The following SUPT3H variants were observed in gnomAD, a reference collection of about 807,000 sequenced individuals.
The protein encoded by SUPT3H is SPT3 homolog, SAGA and STAGA complex component.
Under a neutral mutation model 44.3 loss-of-function variants are expected in SUPT3H, and 44 were observed. That is an observed-to-expected ratio of 0.99 (90% confidence interval 0.78 to 1.28). The LOEUF is 1.28. SUPT3H is among the 50% of genes most tolerant of loss of function. The probability of loss-of-function intolerance (pLI) is 0.00; values close to 1 mark genes in which losing one functional copy is unlikely to be tolerated. For missense variants in SUPT3H, 380 were observed against 387.1 expected (o/e 0.98, Z 0.15); for synonymous variants, 124 against 125.6 (o/e 0.99, Z 0.09).
At chr6:44,821,461 C>G (rs1027622667) in intron 11 of SUPT3H, among the ~76,000 whole-genome samples, 1 of 152,138 alleles carries the variant, frequency 6.6e-6, no homozygotes, top group African/African-American at 2.4e-5. Context: ...ACTACTACCC[C>G]CCTCTCTGAA....
At chr6:44,951,606 C>A (rs1774324855) in intron 9 of SUPT3H, among the ~76,000 whole-genome samples, 1 of 152,140 alleles carries the variant, frequency 6.6e-6, no homozygotes. Context: ...GACACTCATG[C>A]TCCCACCTCC....
intron 10 of SUPT3H, 36 bp downstream of exon 10, chr6:44,932,617 A>C: frequency 2.1e-6 from 3 of 1,441,870 alleles, no homozygotes; most frequent in Non-Finnish European, 2.8e-6. Context: ...CTTTCATATT[A>C]TAAATATAAC....
chr6:45,353,997 A>G (rs115661112), intron 2 of SUPT3H, among the ~76,000 whole-genome samples: 2,661 of 152,270 alleles, frequency 0.017, 50 homozygotes, highest in South Asian at 0.085. Context: ...TTTCAAGCTC[A>G]GTTGTCAAAG....
chr6:44,888,400 C>T (rs1762696184), intron 10 of SUPT3H, among the ~76,000 whole-genome samples: 1 of 152,204 alleles, frequency 6.6e-6, no homozygotes, highest in South Asian at 2.1e-4. Context: ...AGCAGCACAT[C>T]AAAAAGCTTA....
chr6:45,365,703 A>T (rs1169108452), intron 1 of SUPT3H, among the ~76,000 whole-genome samples: 1 of 149,168 alleles, frequency 6.7e-6, no homozygotes, highest in Non-Finnish European at 1.5e-5. Context: ...AGTTTCATTC[A>T]GGCCACGGAA....
At chr6:45,063,404 C>A (rs567745411) in intron 3 of SUPT3H, among the ~76,000 whole-genome samples, 1 of 151,196 alleles carries the variant, frequency 6.6e-6, no homozygotes, top group East Asian at 1.9e-4. Context: ...CAGAGCGTCT[C>A]TCCTCCTCCA....
intron 10 of SUPT3H, among the ~76,000 whole-genome samples, chr6:44,924,361 A>G (rs911205124): frequency 2.0e-5 from 3 of 152,138 alleles, no homozygotes; most frequent in African/African-American, 4.8e-5. Flanking sequence ...ACTGTCATCC[A>G]TAACTTTGAC....
intron 3 of SUPT3H, among the ~76,000 whole-genome samples, chr6:45,100,392 C>G (rs1003373143): frequency 2.6e-5 from 4 of 151,246 alleles, no homozygotes; most frequent in African/African-American, 9.7e-5. Flanking sequence ...AAAAAATAGG[C>G]AAAAGAGCTG....
At chr6:45,322,662 G>A (rs1304544592) in intron 2 of SUPT3H, among the ~76,000 whole-genome samples, 1 of 152,128 alleles carries the variant, frequency 6.6e-6, no homozygotes, top group East Asian at 1.9e-4. Context: ...CTAAATCTGC[G>A]ATCGCCTTTA....
In SUPT3H at chr6:45,365,186, C is replaced by A; in HGVS notation, c.101+15G>T. 6.7e-7 allele frequency: 1 copy of A among 1,482,440 alleles called. No individual in the cohort carries two copies. Among genetic ancestry groups the A allele is most frequent in the African/African-American group, 1.4e-5 (1 of 72,336 alleles). The allele number at this position is 1,482,440 out of a possible 1,614,324, so 91.8% of individuals were successfully genotyped here. A position where few individuals can be genotyped will look rare whatever the true frequency, so the allele number is the denominator to read the frequency against. On this transcript the variant is annotated intron_variant, in intron 2 of 10. Transcript: ENST00000371459. ...TTAAAATAGTAATAGCAATAGCATG[C>A]AGGGACATACTTACATCATACTCTG...
chr6:45,107,568 G>A (rs189427652), intron 2 of SUPT3H, among the ~76,000 whole-genome samples: 1 of 152,192 alleles, frequency 6.6e-6, no homozygotes, highest in East Asian at 1.9e-4. Flanking sequence ...TGGTGCTAGA[G>A]TATCTGCTAC....
At chr6:45,217,972 G>A (rs1385532991) in intron 2 of SUPT3H, among the ~76,000 whole-genome samples, 1 of 151,878 alleles carries the variant, frequency 6.6e-6, no homozygotes, top group African/African-American at 2.4e-5. Context: ...ACACAGGAAG[G>A]CAAAAAGAAA....
intron 2 of SUPT3H, among the ~76,000 whole-genome samples, chr6:45,223,088 A>G (rs1425832571): frequency 6.6e-6 from 1 of 152,118 alleles, no homozygotes; most frequent in African/African-American, 2.4e-5. Context: ...AAGGGGAAGC[A>G]ACACAAGGAA....
chr6:45,142,112 T>C (rs1805307411), intron 2 of SUPT3H, among the ~76,000 whole-genome samples: 1 of 152,106 alleles, frequency 6.6e-6, no homozygotes, highest in Non-Finnish European at 1.5e-5. Flanking sequence ...TGAAACAAAG[T>C]AATTATCAGC....
At chr6:45,084,961 A>C (rs1032068906) in intron 3 of SUPT3H, among the ~76,000 whole-genome samples, 9 of 152,034 alleles carry the variant, frequency 5.9e-5, no homozygotes, top group East Asian at 3.9e-4. Flanking sequence ...GAACTATAGG[A>C]GGTAAGAGGG....
chr6:45,283,264 G>T (rs1395602609), intron 2 of SUPT3H, among the ~76,000 whole-genome samples: 4 of 152,024 alleles, frequency 2.6e-5, no homozygotes, highest in Non-Finnish European at 5.9e-5. Flanking sequence ...ATGGGCTAAA[G>T]GCTCCAATTA....
At chr6:45,359,939 T>C (rs1445196038) in intron 2 of SUPT3H, among the ~76,000 whole-genome samples, 1 of 152,156 alleles carries the variant, frequency 6.6e-6, no homozygotes, top group Non-Finnish European at 1.5e-5. Context: ...CAGCTACTTG[T>C]TGAGGCAGGA....
At chr6:45,115,973 T>C (rs562332658) in intron 2 of SUPT3H, among the ~76,000 whole-genome samples, 71 of 152,238 alleles carry the variant, frequency 4.7e-4, no homozygotes, top group Non-Finnish European at 8.5e-4. Context: ...TCATCTCTCT[T>C]ATTATAGATT....
At chr6:44,887,512 A>G (rs540720802) in intron 10 of SUPT3H, among the ~76,000 whole-genome samples, 103 of 152,328 alleles carry the variant, frequency 6.8e-4, no homozygotes, top group Admixed American at 1.3e-3. Flanking sequence ...CTGCTCCTGA[A>G]TGACTACTGG....
Sources: gnomAD v4.1 joint callset for allele counts (sites outside exome capture counted in the v4.1 genomes callset) on GRCh38, gnomAD v4.1.1 for gene constraint, MANE v1.5 for transcripts, NCBI Gene and HGNC (gene_info 2026-07-23, HGNC 2026-07-21) for gene names.